DGCR8: variants seen among roughly 807,000 people sequenced by gnomAD.
The protein encoded by DGCR8 is microprocessor complex subunit DGCR8.
In DGCR8, 14 loss-of-function variants were observed where a neutral mutation model predicts 78.5. That is an observed-to-expected ratio of 0.18 (90% CI 0.12 to 0.28). The LOEUF (loss-of-function observed/expected upper bound fraction) is 0.28, where lower values mean the gene tolerates loss of function less well. Ranked by LOEUF, DGCR8 falls within the 10% of genes least tolerant of loss-of-function variation. DGCR8 has a pLI of 1.00. For synonymous variants in DGCR8, 399 were observed against 402.4 expected (o/e 0.99, Z 0.10); for missense variants, 702 against 1,022.5 (o/e 0.69, Z 4.28).
intron 5 of DGCR8, 48 bp downstream of exon 5, chr22:20,090,306 G>A: frequency 6.5e-7 from 1 of 1,536,114 alleles, no homozygotes; most frequent in South Asian, 1.3e-5. Context: ...GGACCCATGA[G>A]CTTTGTTTTT....
rs921916194 is a variant in DGCR8, at chr22:20,098,307, A to C, written c.1788+3512A>C. ...CTGGCATTATACTTCAGTTCTTTAG[A>C]CATGGTTTCTTAGTCCTTTGAGTAT... On this transcript the variant is annotated intron_variant, in intron 9 of 13. Transcript: ENST00000351989. 4.6e-5 allele frequency among the ~76,000 whole-genome samples: 7 copies of C among 152,072 alleles called. No homozygotes were observed. The East Asian group carries it at 1.3e-3, about 29-fold the overall frequency.
intron 5 of DGCR8, 85 bp from the exon 6 acceptor site, chr22:20,091,350 G>C: frequency 7.2e-7 from 1 of 1,380,550 alleles, no homozygotes; most frequent in East Asian, 2.3e-5. Context: ...CATGTGGCCT[G>C]GGCCTGCCCC....
At chr22:20,101,329 C>A (rs1215389757) in intron 9 of DGCR8, 1 of 969,840 alleles carries the variant, frequency 1.0e-6, no homozygotes, top group Non-Finnish European at 1.2e-6. Context: ...GTAATCCCAG[C>A]ACTTTGGGAG....
rs892082159 is a variant in DGCR8, at chr22:20,094,693, C to T, written c.1706-20C>T. ...GAGGGCAGTGCCCAAGCCTCACCCTCGGGCTCTTTTTTTTCATAGCCCGAG... is the reference window on the plus strand; with the variant it reads ...GAGGGCAGTGCCCAAGCCTCACCCTTGGGCTCTTTTTTTTCATAGCCCGAG... On this transcript the variant is annotated intron_variant, in intron 8 of 13. Transcript: ENST00000351989. The T allele has an allele frequency of 1.2e-5, 20 of 1,610,078 alleles. No homozygotes were observed. In the Admixed American group the frequency reaches 1.8e-4, roughly 15 times the overall value.
At position 20,094,709 on chromosome 22, in the gene DGCR8, A is replaced by G; in HGVS notation, c.1706-4A>G. On this transcript the variant is annotated splice_region_variant and splice_polypyrimidine_tract_variant and intron_variant, in intron 8 of 13. Transcript: ENST00000351989. ...CCTCACCCTCGGGCTCTTTTTTTTC[A>G]TAGCCCGAGCTACACTGGAAATCCT... 4 of 1,613,624 alleles carry G rather than the reference A, an allele frequency of 2.5e-6. No homozygotes were observed. Among genetic ancestry groups the G allele is most frequent in the Non-Finnish European group, 3.4e-6 (4 of 1,179,798 alleles).
chr22:20,082,879 T>C (rs2049433989), intron 1 of DGCR8, among the ~76,000 whole-genome samples: 1 of 151,588 alleles, frequency 6.6e-6, no homozygotes, highest in Non-Finnish European at 1.5e-5. Context: ...TGGTTGCCAC[T>C]GCTATCCTGG....
At chr22:20,100,540 G>C (rs2049686087) in intron 9 of DGCR8, 1 of 981,960 alleles carries the variant, frequency 1.0e-6, no homozygotes, top group Non-Finnish European at 1.2e-6. Flanking sequence ...TCCTGTCTGA[G>C]TAAAAGCCCT....
chr22:20,093,813 A>C (rs2049595073), intron 8 of DGCR8, among the ~76,000 whole-genome samples: 1 of 152,222 alleles, frequency 6.6e-6, no homozygotes, highest in Admixed American at 6.5e-5. Context: ...TTCTTTCACA[A>C]AAAGCCATTT....
chr22:20,100,383 G>C (rs1334043183), intron 9 of DGCR8: 1 of 985,180 alleles, frequency 1.0e-6, no homozygotes, highest in Non-Finnish European at 1.2e-6. Flanking sequence ...TTTTATTTCT[G>C]AGTGACCCAA....
chr22:20,080,454 T>A, intron 1 of DGCR8, 71 bp downstream of exon 1: 1 of 981,320 alleles, frequency 1.0e-6, no homozygotes, highest in South Asian at 4.7e-5. Context: ...GGGCGCGCCC[T>A]TCCCTCCCGC....
rs78743119 is a variant in DGCR8 at position 20,101,280 on chromosome 22, T to C, written c.1789-4897T>C. 2.8e-3 allele frequency: 2,724 copies of C among 985,344 alleles called. 55 individuals carry two copies. In the African/African-American group the frequency reaches 0.044, roughly 16 times the overall value. The allele number at this position is 985,344 out of a possible 1,614,324, so 61.0% of individuals were successfully genotyped here. On this transcript the variant is annotated intron_variant, in intron 9 of 13. Coordinates refer to ENST00000351989, the MANE Select transcript of DGCR8 (RefSeq NM_022720.7). Reference sequence around the variant, plus strand: ...AAGCTCTTTGACCCTCTTATTTGTATATATGTCATCTGTGGGCTGGGCGCG... The same window carrying C: ...AAGCTCTTTGACCCTCTTATTTGTACATATGTCATCTGTGGGCTGGGCGCG...
rs2049403255 is a variant in DGCR8 at position 20,080,399 on chromosome 22, G to T, written c.-278+16G>T. 1 of 831,226 alleles carries T rather than the reference G, an allele frequency of 1.2e-6. No individual in the cohort carries two copies. The highest frequency in any genetic ancestry group is 2.7e-4 in the East Asian group (1 of 3,638). The allele number at this position is 831,226 out of a possible 1,614,324, so 51.5% of individuals were successfully genotyped here. A position where few individuals can be genotyped will look rare whatever the true frequency, so the allele number is the denominator to read the frequency against. ...GGCGCCTCAGGTAGGTGCGGGGCGC[G>T]AGGGGCGCCCGCGGGCGGTTGGGCG... On this transcript the variant is annotated intron_variant, in intron 1 of 13. Coordinates refer to ENST00000351989, the MANE Select transcript of DGCR8 (RefSeq NM_022720.7).
At chr22:20,100,749 TG>T (rs2049688542) in intron 9 of DGCR8, 1 of 985,112 alleles carries the variant, frequency 1.0e-6, no homozygotes. Context: ...GACATGGGGG[TG>T]GGGCATGTGG....
intron 1 of DGCR8, among the ~76,000 whole-genome samples, chr22:20,081,275 G>A (rs576128589): frequency 1.3e-5 from 2 of 152,360 alleles, no homozygotes; most frequent in East Asian, 3.9e-4. Flanking sequence ...ACTGGTGCTG[G>A]CCCGTCACAG....
Position 20,087,128 on chromosome 22 carries a change from A to C in DGCR8, c.721-34A>C. 1 of 1,579,178 alleles carries C rather than the reference A, an allele frequency of 6.3e-7. No individual in the cohort carries two copies. ...CTCCTGTTGCAGGAGCATGAGCGCC[A>C]GGGGCTCTGGTGTCTGAACAGCGTG... is the stretch of plus-strand genomic sequence containing the variant. On this transcript the variant is annotated intron_variant, in intron 2 of 13. Transcript: ENST00000351989. This position sits in a 1 kb window ranked among gnomAD's most constrained non-coding sequence, Gnocchi z 4.1.
chr22:20,101,897 C>T lies in DGCR8; in HGVS notation c.1789-4280C>T, dbSNP rs1296005035. On this transcript the variant is annotated intron_variant, in intron 9 of 13. Transcript: ENST00000351989. Reference sequence around the variant, plus strand: ...GGTGGGGTTGACATGTCAGGAGGGGCGGGTTGATGCCTGTGAGGTGTGGTG... The same window carrying T: ...GGTGGGGTTGACATGTCAGGAGGGGTGGGTTGATGCCTGTGAGGTGTGGTG... 1.6e-5 allele frequency: 16 copies of T among 985,204 alleles called. No individual in the cohort carries two copies. The East Asian group carries it at 6.8e-4, about 42-fold the overall frequency. 61.0% of individuals were successfully genotyped at this position (985,204 alleles called of 1,614,324 possible).
Position 20,085,942 on chromosome 22 carries a change from A to C in DGCR8, c.-22A>C, listed in dbSNP as rs576097167. On this transcript the variant is annotated 5_prime_UTR_variant, in exon 2 of 14. Coordinates refer to ENST00000351989, the MANE Select transcript of DGCR8 (RefSeq NM_022720.7). This position sits in a 1 kb window ranked among gnomAD's most constrained non-coding sequence, Gnocchi z 6.2. Reference sequence around the variant, plus strand: ...GGCTTGTAAAACTCTGGTCTTGTAAACTAGTCTTAAGCGCTTTTAATATGG... The same window carrying C: ...GGCTTGTAAAACTCTGGTCTTGTAACCTAGTCTTAAGCGCTTTTAATATGG... The C allele has an allele frequency of 2.1e-5, 32 of 1,529,336 alleles. No individual in the cohort carries two copies. The South Asian group carries it at 3.4e-4, about 16-fold the overall frequency. The allele number at this position is 1,529,336 out of a possible 1,614,324, so 94.7% of individuals were successfully genotyped here.
In DGCR8 at chr22:20,111,563, T is replaced by C; in HGVS notation, c.*1455T>C. 1 of 397,658 alleles carries C rather than the reference T, an allele frequency of 2.5e-6. No individual in the cohort carries two copies. The allele number at this position is 397,658 out of a possible 1,614,324, so 24.6% of individuals were successfully genotyped here. A position where few individuals can be genotyped will look rare whatever the true frequency, so the allele number is the denominator to read the frequency against. ...CTGTGAATAGTCATTTGACTGTGAC[T>C]GTTGCCCTTAGCCAGCCAGATGCGC... On this transcript the variant is annotated 3_prime_UTR_variant, in exon 14 of 14. Coordinates refer to ENST00000351989, the MANE Select transcript of DGCR8 (RefSeq NM_022720.7).
At chr22:20,106,894 C>G in intron 11 of DGCR8, 196 bp downstream of exon 11, 1 of 595,974 alleles carries the variant, frequency 1.7e-6, no homozygotes, top group Non-Finnish European at 3.0e-6. Context: ...TTTCCCTTTC[C>G]CCCGCTGTCA....
Sources: gnomAD v4.1 joint callset for allele counts (sites outside exome capture counted in the v4.1 genomes callset) on GRCh38, gnomAD v4.1.1 for gene constraint, Gnocchi (gnomAD v3.1) non-coding constraint, MANE v1.5 for transcripts, NCBI Gene and HGNC (gene_info 2026-07-23, HGNC 2026-07-21) for gene names.